Variants in SGCZ observed in about 807,000 individuals in gnomAD.
SGCZ encodes the protein sarcoglycan zeta.
SGCZ carries 40 observed loss-of-function variants against 41.3 expected under a neutral mutation model. The ratio of observed to expected loss-of-function variants is 0.97; its 90% CI spans 0.75 to 1.26. The LOEUF (loss-of-function observed/expected upper bound fraction) is 1.26. Among genes scored for constraint, SGCZ ranks in the 50% most tolerant of loss-of-function variants. The probability of loss-of-function intolerance (pLI) is 0.00; values close to 1 mark genes in which losing one functional copy is unlikely to be tolerated. For synonymous variants in SGCZ, 206 were observed against 137.5 expected (o/e 1.50, Z -3.49); for missense variants, 552 against 369.8 (o/e 1.49, Z -4.04).
At chr8:14,362,519 T>C (rs548697692) in intron 2 of SGCZ, among the ~76,000 whole-genome samples, 11 of 152,300 alleles carry the variant, frequency 7.2e-5, no homozygotes, top group African/African-American at 2.6e-4. Context: ...AGAGGGAATC[T>C]CCTGGTTTGC....
At chr8:15,000,723 T>C (rs1248999320) in intron 1 of SGCZ, among the ~76,000 whole-genome samples, 2 of 152,168 alleles carry the variant, frequency 1.3e-5, no homozygotes, top group African/African-American at 4.8e-5. Flanking sequence ...GTAAACAATA[T>C]ACCCGATGGA....
In SGCZ at chr8:14,839,568, A is replaced by G. The variant is rs117577856; in HGVS notation, c.40-284642T>C. On this transcript the variant is annotated intron_variant, in intron 1 of 7. Coordinates refer to ENST00000382080, the MANE Select transcript of SGCZ (RefSeq NM_139167.4). The stretch of plus-strand genomic sequence containing the variant: ...CAATAAGTTTCTTTTATTCATCTAC[A>G]TTATGTAGTGCAATAAACACTTTTT... Among the ~76,000 whole-genome samples, 743 of 152,218 alleles carry G rather than the reference A, an allele frequency of 4.9e-3. 4 individuals carry two copies. The highest frequency in any genetic ancestry group is 6.4e-3 in the Non-Finnish European group (438 of 67,990).
At chr8:15,206,594 G>A (rs969011785) in intron 1 of SGCZ, among the ~76,000 whole-genome samples, 19 of 151,976 alleles carry the variant, frequency 1.3e-4, no homozygotes, top group African/African-American at 4.6e-4. Flanking sequence ...GATTACAGGT[G>A]CCCGCCACCA....
At chr8:14,317,545 T>A (rs1801759072) in intron 3 of SGCZ, among the ~76,000 whole-genome samples, 1 of 151,130 alleles carries the variant, frequency 6.6e-6, no homozygotes, top group African/African-American at 2.4e-5. Flanking sequence ...AGCACAGGGG[T>A]CTATGACAAA....
At chr8:14,791,047 AAAAAGAAAAAT>A (rs958839287) in intron 1 of SGCZ, among the ~76,000 whole-genome samples, 1 of 152,000 alleles carries the variant, frequency 6.6e-6, no homozygotes, top group Non-Finnish European at 1.5e-5. Context: ...AAAAGAAAAA[AAAAAGAAAAAT>A]AGGATACAAT....
At chr8:14,386,746 A>G (rs922297519) in intron 2 of SGCZ, among the ~76,000 whole-genome samples, 104 of 152,180 alleles carry the variant, frequency 6.8e-4, no homozygotes, top group African/African-American at 2.4e-3. Context: ...AATCTTAAAA[A>G]CCAAGCTTAG....
chr8:15,064,767 C>T (rs190344120), intron 1 of SGCZ, among the ~76,000 whole-genome samples: 19 of 152,162 alleles, frequency 1.2e-4, no homozygotes, highest in African/African-American at 3.4e-4. Flanking sequence ...AGATTTGAAA[C>T]TGAGCTCCCA....
intron 2 of SGCZ, among the ~76,000 whole-genome samples, chr8:14,338,666 G>C (rs1802585380): frequency 6.6e-6 from 1 of 152,128 alleles, no homozygotes. Flanking sequence ...ATTAAAATAT[G>C]CATCTACTTT....
intron 1 of SGCZ, among the ~76,000 whole-genome samples, chr8:14,652,732 T>G (rs1041985312): frequency 6.6e-6 from 1 of 152,146 alleles, no homozygotes; most frequent in Non-Finnish European, 1.5e-5. Flanking sequence ...AAGATTTGTA[T>G]ATTTATTATC....
At chr8:14,665,872 G>A (rs749744071) in intron 1 of SGCZ, among the ~76,000 whole-genome samples, 3 of 152,092 alleles carry the variant, frequency 2.0e-5, no homozygotes, top group Non-Finnish European at 2.9e-5. Flanking sequence ...ATTAAGTGTC[G>A]ATCGTCTGAA....
chr8:14,530,236 T>C (rs1803084909), intron 2 of SGCZ, among the ~76,000 whole-genome samples: 1 of 152,042 alleles, frequency 6.6e-6, no homozygotes, highest in Non-Finnish European at 1.5e-5. Context: ...AAAAATATAC[T>C]ACCCTAAAAT....
intron 1 of SGCZ, among the ~76,000 whole-genome samples, chr8:14,939,440 C>T (rs7813529): frequency 0.8 from 122,323 of 152,032 alleles, 49,875 homozygotes; most frequent in African/African-American, 0.93. Context: ...TGACATTTCA[C>T]CTACTAAAAC....
intron 2 of SGCZ, among the ~76,000 whole-genome samples, chr8:14,450,859 C>T (rs1800573001): frequency 6.6e-6 from 1 of 152,126 alleles, no homozygotes; most frequent in Non-Finnish European, 1.5e-5. Flanking sequence ...TGTGTATTCT[C>T]TTCAAGGATA....
intron 3 of SGCZ, among the ~76,000 whole-genome samples, chr8:14,280,229 TA>T (rs557571287): frequency 2.1e-4 from 32 of 152,010 alleles, no homozygotes; most frequent in African/African-American, 6.7e-4. Flanking sequence ...CGTATATATA[TA>T]AATAGTCTGT....
At chr8:14,387,595 G>A (rs2117208217) in intron 2 of SGCZ, among the ~76,000 whole-genome samples, 1 of 152,152 alleles carries the variant, frequency 6.6e-6, no homozygotes, top group South Asian at 2.1e-4. Context: ...CAATAAAGAT[G>A]TGATATTTTG....
At chr8:14,586,259 G>T (rs1328345258) in intron 1 of SGCZ, among the ~76,000 whole-genome samples, 3 of 152,032 alleles carry the variant, frequency 2.0e-5, no homozygotes, top group Non-Finnish European at 4.4e-5. Flanking sequence ...TGTCACCCAG[G>T]CTGGAGTGTA....
intron 6 of SGCZ, among the ~76,000 whole-genome samples, chr8:14,104,208 T>A (rs1414644451): frequency 6.6e-6 from 1 of 152,190 alleles, no homozygotes; most frequent in African/African-American, 2.4e-5. Context: ...TAGTGAATTA[T>A]AATTGTATTC....
At chr8:14,497,343 G>T (rs1036399923) in intron 2 of SGCZ, among the ~76,000 whole-genome samples, 36 of 152,092 alleles carry the variant, frequency 2.4e-4, no homozygotes, top group Admixed American at 2.2e-3. Flanking sequence ...AGAAAGAAGG[G>T]AGAGGTCCAA....
chr8:14,820,126 C>A (rs1191468300), intron 1 of SGCZ, among the ~76,000 whole-genome samples: 1 of 151,968 alleles, frequency 6.6e-6, no homozygotes, highest in Non-Finnish European at 1.5e-5. Flanking sequence ...CTATACATAG[C>A]ATGCAAGAGA....
Sources: gnomAD v4.1 joint callset for allele counts (sites outside exome capture counted in the v4.1 genomes callset) on GRCh38, gnomAD v4.1.1 for gene constraint, MANE v1.5 for transcripts, NCBI Gene and HGNC (gene_info 2026-07-23, HGNC 2026-07-21) for gene names.